LINGO2: variants seen among roughly 807,000 people sequenced by gnomAD.
LINGO2 encodes the protein leucine rich repeat and Ig domain containing 2.
A neutral mutation model predicts 30.6 loss-of-function variants in LINGO2; 14 were observed. The observed-to-expected ratio is 0.46, with a 90% CI of 0.30 to 0.72. The LOEUF (loss-of-function observed/expected upper bound fraction) is 0.72. LINGO2 is among the 30% of genes least tolerant of loss of function. The pLI is 0.07. For missense variants in LINGO2, 729 were observed against 751.7 expected (o/e 0.97, Z 0.35); for synonymous variants, 317 against 288.5 (o/e 1.10, Z -1.00).
chr9:29,071,412 T>C, the LINGO2 span, among the ~76,000 whole-genome samples: 1 of 149,042 alleles, frequency 6.7e-6, no homozygotes, highest in Non-Finnish European at 1.5e-5. Flanking sequence ...AGGATAAAAC[T>C]GCATTTTGAG....
chr9:28,401,750 C>G (rs1296535878), intron 2 of LINGO2, among the ~76,000 whole-genome samples: 18 of 152,084 alleles, frequency 1.2e-4, no homozygotes, highest in Admixed American at 1.2e-3. Context: ...ACACTCCCAC[C>G]AACAGTGTAA....
At chr9:28,658,285 C>T (rs1828444260) in intron 1 of LINGO2, among the ~76,000 whole-genome samples, 1 of 151,950 alleles carries the variant, frequency 6.6e-6, no homozygotes, top group African/African-American at 2.4e-5. Context: ...TGTTCAAGTC[C>T]TGTGTTTCTC....
At chr9:28,131,188 G>C (rs1341565415) in intron 4 of LINGO2, among the ~76,000 whole-genome samples, 1 of 151,336 alleles carries the variant, frequency 6.6e-6, no homozygotes, top group Non-Finnish European at 1.5e-5. Context: ...AAAAACATGA[G>C]TGATTAGTGA....
chr9:28,702,468 C>T, the LINGO2 span, among the ~76,000 whole-genome samples: 1 of 151,838 alleles, frequency 6.6e-6, no homozygotes, highest in Non-Finnish European at 1.5e-5. Context: ...ATCCCACTCA[C>T]ATACCTGGAA....
chr9:29,061,509 T>A, the LINGO2 span, among the ~76,000 whole-genome samples: 4 of 151,188 alleles, frequency 2.6e-5, no homozygotes, highest in Admixed American at 1.3e-4. Context: ...TGAAATAGAG[T>A]CTAGTCCAGA....
chr9:28,680,623 T>C, the LINGO2 span, among the ~76,000 whole-genome samples: 1 of 152,144 alleles, frequency 6.6e-6, no homozygotes, highest in Non-Finnish European at 1.5e-5. Context: ...TCAACACTTG[T>C]TATCTGTCAT....
the LINGO2 span, among the ~76,000 whole-genome samples, chr9:29,066,300 T>A: frequency 6.6e-6 from 1 of 151,894 alleles, no homozygotes; most frequent in Non-Finnish European, 1.5e-5. Flanking sequence ...AAGAGAAGAA[T>A]GTGGAAAATT....
At chr9:28,015,972 C>T (rs1308381762) in intron 4 of LINGO2, among the ~76,000 whole-genome samples, 3 of 135,610 alleles carry the variant, frequency 2.2e-5, no homozygotes, top group Admixed American at 1.6e-4. Flanking sequence ...TGCTAACTAA[C>T]CGTTATGAAG....
chr9:29,103,534 A>G, the LINGO2 span, among the ~76,000 whole-genome samples: 1 of 151,792 alleles, frequency 6.6e-6, no homozygotes, highest in African/African-American at 2.4e-5. Context: ...AGTTTATAAT[A>G]TTTCTTTTTT....
chr9:28,744,734 T>A, the LINGO2 span, among the ~76,000 whole-genome samples: 1 of 151,084 alleles, frequency 6.6e-6, no homozygotes, highest in Non-Finnish European at 1.5e-5. Context: ...CCTCCTGGAT[T>A]CAAGAGATTC....
At chr9:28,452,521 T>G (rs2135078211) in intron 2 of LINGO2, among the ~76,000 whole-genome samples, 1 of 151,938 alleles carries the variant, frequency 6.6e-6, no homozygotes, top group Middle Eastern at 3.4e-3. Context: ...AATACATAAT[T>G]TTCCAATTTT....
chr9:28,906,352 TC>T, the LINGO2 span, among the ~76,000 whole-genome samples: 2 of 151,930 alleles, frequency 1.3e-5, no homozygotes, highest in Non-Finnish European at 2.9e-5. Context: ...GATAATTAGC[TC>T]AATTTATCCT....
At chr9:29,097,354 T>C in the LINGO2 span, among the ~76,000 whole-genome samples, 1 of 138,520 alleles carries the variant, frequency 7.2e-6, no homozygotes, top group Non-Finnish European at 1.6e-5. Flanking sequence ...ATTATATCTG[T>C]ATTTTAATGT....
intron 1 of LINGO2, among the ~76,000 whole-genome samples, chr9:28,650,684 A>C (rs1370793915): frequency 6.6e-6 from 1 of 152,048 alleles, no homozygotes; most frequent in African/African-American, 2.4e-5. Flanking sequence ...TCTTCTTTCT[A>C]CTTATGTCTA....
At chr9:29,028,945 T>A in the LINGO2 span, among the ~76,000 whole-genome samples, 1 of 151,660 alleles carries the variant, frequency 6.6e-6, no homozygotes, top group Non-Finnish European at 1.5e-5. Flanking sequence ...GAAGATGAAT[T>A]TTTTTTTTAG....
At chr9:28,604,845 A>T (rs1825634656) in intron 1 of LINGO2, among the ~76,000 whole-genome samples, 2 of 152,108 alleles carry the variant, frequency 1.3e-5, no homozygotes, top group Non-Finnish European at 2.9e-5. Context: ...GAAAGGTATT[A>T]ACTTTTTAGT....
chr9:28,779,633 A>C, the LINGO2 span, among the ~76,000 whole-genome samples: 2 of 152,140 alleles, frequency 1.3e-5, no homozygotes. Flanking sequence ...GTACAATATC[A>C]CCTGTCAAAG....
the LINGO2 span, chr9:27,941,917 CAG>C: frequency 1.3e-5 from 2 of 152,040 alleles, no homozygotes; most frequent in Admixed American, 1.3e-4. Flanking sequence ...AAGGCTAACT[CAG>C]AAAGAAAAAC....
At chr9:27,982,334 T>C (rs1820919233) in intron 5 of LINGO2, among the ~76,000 whole-genome samples, 2 of 151,812 alleles carry the variant, frequency 1.3e-5, no homozygotes, top group Admixed American at 1.3e-4. Context: ...ATAAAGGAAA[T>C]GAAGTATACT....
Sources: gnomAD v4.1 joint callset for allele counts (sites outside exome capture counted in the v4.1 genomes callset) on GRCh38, gnomAD v4.1.1 for gene constraint, MANE v1.5 for transcripts, NCBI Gene and HGNC (gene_info 2026-07-23, HGNC 2026-07-21) for gene names.